Variants in ST18 observed in about 807,000 individuals in gnomAD.
ST18 encodes suppression of tumorigenicity 18 protein.
A neutral mutation model predicts 110.0 loss-of-function variants in ST18; 50 were observed. The ratio of observed to expected loss-of-function variants is 0.45; its 90% CI spans 0.36 to 0.58. ST18 has a LOEUF of 0.58. Among genes scored for constraint, ST18 ranks in the 20% least tolerant of loss-of-function variants. ST18 has a pLI of 0.00. For missense variants in ST18, 1,306 were observed against 1,280.1 expected, an observed-to-expected ratio of 1.02 and a Z score of -0.31; for synonymous variants, 461 against 452.4, an observed-to-expected ratio of 1.02 and a Z score of -0.24.
At chr8:52,332,581 G>A (rs1413245157) in intron 2 of ST18, among the ~76,000 whole-genome samples, 1 of 144,534 alleles carries the variant, frequency 6.9e-6, no homozygotes, top group Non-Finnish European at 1.5e-5. Context: ...GGCCGGGCAC[G>A]GTGGCTCAAG....
chr8:52,327,412 T>C lies in ST18; in HGVS notation c.-465+81916A>G, dbSNP rs753449989. ...AAGAGAGAGTCTGTATAGAACCCACTGCATCTTATTCTGACTACCTGTGAT... is the reference window on the plus strand; with the variant it reads ...AAGAGAGAGTCTGTATAGAACCCACCGCATCTTATTCTGACTACCTGTGAT... On this transcript the variant is annotated intron_variant, in intron 2 of 25. Transcript: ENST00000689386. Among the ~76,000 whole-genome samples the C allele has an allele frequency of 5.3e-5, 8 of 152,190 alleles. 1 individual carries two copies. Among genetic ancestry groups the C allele is most frequent in the Admixed American group, 3.3e-4 (5 of 15,278 alleles).
In ST18 at chr8:52,143,065, C is replaced by CAAACA; in HGVS notation, c.2053-25_2053-21dup. On this transcript the variant is annotated intron_variant, in intron 16 of 25. Transcript: ENST00000689386. ...GTCTTTCTGGAAAACAAACAAAAAA[C>CAAACA]AAACAAAACACAGAAGCCATTAGGG... is the stretch of plus-strand genomic sequence containing the variant. The CAAACA allele has an allele frequency of 6.7e-7, 1 of 1,499,324 alleles. No homozygotes were observed. 92.9% of individuals were successfully genotyped at this position (1,499,324 alleles called of 1,614,324 possible). A position where few individuals can be genotyped will look rare whatever the true frequency, so the allele number is the denominator to read the frequency against.
intron 2 of ST18, among the ~76,000 whole-genome samples, chr8:52,398,846 T>C (rs966728022): frequency 8.5e-5 from 13 of 152,100 alleles, no homozygotes; most frequent in African/African-American, 3.1e-4. Context: ...TTGCTAATAT[T>C]TTGTTGAGGA....
chr8:52,118,544 T>TTC, intron 23 of ST18, 103 bp from the exon 24 acceptor site: 1 of 637,154 alleles, frequency 1.6e-6, no homozygotes, highest in Non-Finnish European at 2.6e-6. Context: ...GACTTTCATT[T>TTC]AGTGTTTTTA....
chr8:52,299,612 G>A (rs1228862454), intron 2 of ST18, among the ~76,000 whole-genome samples: 1 of 152,184 alleles, frequency 6.6e-6, no homozygotes, highest in African/African-American at 2.4e-5. Flanking sequence ...ATAAGTCCAT[G>A]TGTCTTGCAG....
intron 15 of ST18, among the ~76,000 whole-genome samples, chr8:52,153,354 G>A (rs981769618): frequency 2.0e-5 from 3 of 152,156 alleles, no homozygotes; most frequent in Admixed American, 6.5e-5. Context: ...CTTCTGATTA[G>A]GTTTCTGCCA....
chr8:52,382,548 T>G (rs887456859), intron 2 of ST18, among the ~76,000 whole-genome samples: 1 of 152,228 alleles, frequency 6.6e-6, no homozygotes, highest in Non-Finnish European at 1.5e-5. Context: ...TCTTTTTGTA[T>G]AGCAGAACAG....
chr8:52,193,328 T>C (rs960317910), intron 8 of ST18, among the ~76,000 whole-genome samples: 13 of 152,168 alleles, frequency 8.5e-5, no homozygotes, highest in Admixed American at 8.5e-4. Context: ...TGGCTGAAAG[T>C]GTGGGGAGCT....
chr8:52,143,061 A>C lies in ST18; in HGVS notation c.2053-16T>G. 1.3e-6 allele frequency: 2 copies of C among 1,493,412 alleles called. No homozygotes were observed. The highest frequency in any genetic ancestry group is 1.4e-5 in the African/African-American group (1 of 72,258). 92.5% of individuals were successfully genotyped at this position (1,493,412 alleles called of 1,614,324 possible). On this transcript the variant is annotated splice_polypyrimidine_tract_variant and intron_variant, in intron 16 of 25. Coordinates refer to ENST00000689386, the MANE Select transcript of ST18 (RefSeq NM_001352837.2). ...CTGGGTCTTTCTGGAAAACAAACAAAAAACAAACAAAACACAGAAGCCATT... is the reference window on the plus strand; with the variant it reads ...CTGGGTCTTTCTGGAAAACAAACAACAAACAAACAAAACACAGAAGCCATT...
intron 2 of ST18, among the ~76,000 whole-genome samples, chr8:52,269,948 C>T (rs537737917): frequency 1.7e-4 from 26 of 152,294 alleles, no homozygotes; most frequent in Middle Eastern, 3.4e-3. Context: ...AAACTTATGT[C>T]AAGGTCATCC....
At position 52,172,538 on chromosome 8, in the gene ST18, G is replaced by T. The variant is rs755577991; in HGVS notation, c.323C>A (p.Ala108Glu). The T allele has an allele frequency of 6.2e-7, 1 of 1,606,594 alleles. No individual in the cohort carries two copies. Among genetic ancestry groups the T allele is most frequent in the Admixed American group, 1.7e-5 (1 of 58,650 alleles). The change falls in exon 10 of 26, where the codon GCA becomes GAA. Residue 108 changes from alanine to glutamate, a missense_variant. By Grantham distance (107) the Ala-to-Glu change is moderately radical. Transcript: ENST00000689386. ...KPMDESLLST[A>E]QENSSRKEDR... Reference sequence around the variant, plus strand: ...TTCCTTCCTACTGGAGTTTTCTTGTGCAGTTGAAAGAAGACTTTCATCCAT... The same window carrying T: ...TTCCTTCCTACTGGAGTTTTCTTGTTCAGTTGAAAGAAGACTTTCATCCAT...
At chr8:52,224,695 T>C (rs4074066) in intron 3 of ST18, among the ~76,000 whole-genome samples, 17,647 of 152,266 alleles carry the variant, frequency 0.12, 1,378 homozygotes, top group Middle Eastern at 0.21. Flanking sequence ...TTTTAAATCG[T>C]TGCATATTCA....
chr8:52,153,411 G>C (rs1235384204), intron 15 of ST18, among the ~76,000 whole-genome samples: 1 of 152,016 alleles, frequency 6.6e-6, no homozygotes. Flanking sequence ...TTTTATTCTT[G>C]CTTCAAGGTT....
At chr8:52,350,676 C>A (rs546439505) in intron 2 of ST18, among the ~76,000 whole-genome samples, 2 of 152,074 alleles carry the variant, frequency 1.3e-5, no homozygotes, top group East Asian at 1.9e-4. Flanking sequence ...TCCTTCTATG[C>A]CATTTTCATC....
At chr8:52,250,557 C>T (rs922846244) in intron 2 of ST18, among the ~76,000 whole-genome samples, 2 of 147,618 alleles carry the variant, frequency 1.4e-5, no homozygotes, top group Non-Finnish European at 3.0e-5. Flanking sequence ...ACCCAACCCA[C>T]AGGGTGCAAA....
intron 2 of ST18, among the ~76,000 whole-genome samples, chr8:52,347,060 A>G (rs1240133662): frequency 6.6e-6 from 1 of 152,262 alleles, no homozygotes; most frequent in Non-Finnish European, 1.5e-5. Context: ...CAATCTCCCT[A>G]GAGTGATCCA....
chr8:52,358,633 C>T (rs1324345746), intron 2 of ST18, among the ~76,000 whole-genome samples: 1 of 151,630 alleles, frequency 6.6e-6, no homozygotes, highest in South Asian at 2.1e-4. Flanking sequence ...ACACTAACTA[C>T]CAAAACTGAC....
At chr8:52,160,516 C>G (rs554610783) in intron 14 of ST18, among the ~76,000 whole-genome samples, 2 of 152,282 alleles carry the variant, frequency 1.3e-5, no homozygotes, top group South Asian at 4.1e-4. Context: ...CAAAGGGATT[C>G]TATGGCTATG....
intron 14 of ST18, among the ~76,000 whole-genome samples, chr8:52,160,693 C>T (rs1365245): frequency 0.41 from 62,705 of 152,006 alleles, 13,923 homozygotes; most frequent in African/African-American, 0.6. Flanking sequence ...CCCCAACAAC[C>T]TGAAGAAATG....
Sources: allele counts gnomAD v4.1 joint callset (sites outside exome capture counted in the v4.1 genomes callset), GRCh38; gene constraint gnomAD v4.1.1; transcripts MANE v1.5; gene names NCBI Gene and HGNC (gene_info 2026-07-23, HGNC 2026-07-21).